The following NCAM2 variants were observed in gnomAD, a reference collection of about 807,000 sequenced individuals.
The protein encoded by NCAM2 is neural cell adhesion molecule 2, also known as N-CAM-2.
A neutral mutation model predicts 98.1 loss-of-function variants in NCAM2; 30 were observed. The observed-to-expected ratio is 0.31, with a 90% CI of 0.23 to 0.41. The LOEUF is 0.41. NCAM2 is among the 10% of genes least tolerant of loss of function. NCAM2 has a pLI of 1.00. For missense variants in NCAM2, 867 were observed against 1,005.8 expected, an observed-to-expected ratio of 0.86 and a Z score of 1.87; for synonymous variants, 368 against 342.4, an observed-to-expected ratio of 1.07 and a Z score of -0.83.
intron 10 of NCAM2, among the ~76,000 whole-genome samples, chr21:21,411,465 T>A (rs2076886486): frequency 6.6e-6 from 1 of 151,906 alleles, no homozygotes; most frequent in Non-Finnish European, 1.5e-5. Flanking sequence ...AATAAGATTT[T>A]GTATAATTAT....
chr21:21,184,474 T>A (rs566975812), intron 1 of NCAM2, among the ~76,000 whole-genome samples: 2 of 152,214 alleles, frequency 1.3e-5, no homozygotes, highest in Non-Finnish European at 2.9e-5. Context: ...ACCTTGGGGA[T>A]CCTTTAAAAT....
At chr21:21,218,304 A>G (rs891035659) in intron 1 of NCAM2, among the ~76,000 whole-genome samples, 1 of 152,150 alleles carries the variant, frequency 6.6e-6, no homozygotes, top group Non-Finnish European at 1.5e-5. Flanking sequence ...TAGAAATAAG[A>G]GAATTAGCTC....
chr21:21,301,839 C>T (rs1476268819), intron 5 of NCAM2, among the ~76,000 whole-genome samples: 1 of 149,362 alleles, frequency 6.7e-6, no homozygotes, highest in Non-Finnish European at 1.5e-5. Context: ...GACATTTATG[C>T]AGCCAAAAAA....
At chr21:21,151,058 G>T (rs2067433878) in intron 1 of NCAM2, among the ~76,000 whole-genome samples, 1 of 151,530 alleles carries the variant, frequency 6.6e-6, no homozygotes, top group African/African-American at 2.4e-5. Context: ...CTTTCAAGGA[G>T]ATTAGGATGA....
At chr21:21,186,414 A>G (rs912905855) in intron 1 of NCAM2, among the ~76,000 whole-genome samples, 1 of 152,188 alleles carries the variant, frequency 6.6e-6, no homozygotes, top group African/African-American at 2.4e-5. Flanking sequence ...ATTCTATGGC[A>G]TCTAATTAAA....
chr21:21,274,769 T>C (rs948501812), intron 1 of NCAM2, among the ~76,000 whole-genome samples: 10 of 152,170 alleles, frequency 6.6e-5, no homozygotes, highest in African/African-American at 2.4e-4. Flanking sequence ...CAGCTCGTTG[T>C]CCCAAGATCA....
At chr21:21,429,435 A>G (rs2077282514) in intron 11 of NCAM2, among the ~76,000 whole-genome samples, 1 of 152,184 alleles carries the variant, frequency 6.6e-6, no homozygotes, top group Non-Finnish European at 1.5e-5. Flanking sequence ...CACTTTTGAC[A>G]CATGTCCCCA....
intron 16 of NCAM2, among the ~76,000 whole-genome samples, chr21:21,519,654 G>C (rs1988905997): frequency 6.6e-6 from 1 of 152,010 alleles, no homozygotes; most frequent in South Asian, 2.1e-4. Context: ...AAAATATGTG[G>C]TTAATTCCAT....
chr21:21,064,937 T>C (rs2146341120), intron 1 of NCAM2, among the ~76,000 whole-genome samples: 1 of 152,198 alleles, frequency 6.6e-6, no homozygotes, highest in Admixed American at 6.5e-5. Context: ...CCCAGCACTT[T>C]GGAAGCCTGA....
Position 21,086,692 on chromosome 21 carries a change from A to G in NCAM2, c.55+88074A>G, listed in dbSNP as rs1425061297. 2.0e-5 allele frequency among the ~76,000 whole-genome samples: 3 copies of G among 152,328 alleles called. No homozygotes were observed. In the East Asian group the frequency reaches 5.8e-4, roughly 29 times the overall value. ...CTTTTTGAAGTATTTTTAAAAAAGAATGGTTTTGGGGTACTGAAATGTGCG... is the reference window on the plus strand; with the variant it reads ...CTTTTTGAAGTATTTTTAAAAAAGAGTGGTTTTGGGGTACTGAAATGTGCG... On this transcript the variant is annotated intron_variant, in intron 1 of 17. Coordinates refer to ENST00000400546, the MANE Select transcript of NCAM2 (RefSeq NM_004540.5).
intron 1 of NCAM2, among the ~76,000 whole-genome samples, chr21:21,273,833 G>C (rs2072620038): frequency 6.6e-6 from 1 of 152,048 alleles, no homozygotes; most frequent in South Asian, 2.1e-4. Context: ...TAAAGAGTGT[G>C]CATAGCTTGA....
At chr21:21,199,588 G>T (rs897855000) in intron 1 of NCAM2, among the ~76,000 whole-genome samples, 3 of 152,130 alleles carry the variant, frequency 2.0e-5, no homozygotes, top group African/African-American at 7.2e-5. Context: ...TGAGAGTAGT[G>T]ATCTCATTCA....
intron 1 of NCAM2, among the ~76,000 whole-genome samples, chr21:21,244,844 T>TAA (rs11410837): frequency 0.02 from 1,973 of 99,830 alleles, 59 homozygotes; most frequent in African/African-American, 0.059. Flanking sequence ...AGACTCTGTC[T>TAA]AAAAAAAAAA....
intron 1 of NCAM2, among the ~76,000 whole-genome samples, chr21:21,136,616 C>T (rs979785574): frequency 5.6e-5 from 8 of 143,222 alleles, no homozygotes; most frequent in African/African-American, 2.2e-4. Flanking sequence ...TGCAGGCCAC[C>T]ACGCCTGTTT....
At chr21:21,191,438 T>C (rs2068820560) in intron 1 of NCAM2, among the ~76,000 whole-genome samples, 1 of 152,188 alleles carries the variant, frequency 6.6e-6, no homozygotes. Context: ...AATTATATAG[T>C]TAAATATGTA....
At chr21:21,445,757 A>G (rs1357531268) in intron 12 of NCAM2, among the ~76,000 whole-genome samples, 2 of 151,966 alleles carry the variant, frequency 1.3e-5, no homozygotes, top group Non-Finnish European at 1.5e-5. Context: ...CAACACACTG[A>G]TGGGTCTTGA....
chr21:21,034,750 A>AT (rs1284857525), intron 1 of NCAM2, among the ~76,000 whole-genome samples: 6 of 152,014 alleles, frequency 3.9e-5, no homozygotes, highest in South Asian at 2.1e-4. Flanking sequence ...TCTGAAATGT[A>AT]TTTTTTTTCT....
intron 8 of NCAM2, among the ~76,000 whole-genome samples, chr21:21,369,765 T>C (rs929597125): frequency 2.0e-5 from 3 of 151,870 alleles, no homozygotes; most frequent in Non-Finnish European, 4.4e-5. Context: ...TATTGTAGTC[T>C]TGTTTATTTC....
rs58824475 is a variant in NCAM2 at position 21,115,957 on chromosome 21, TTGTGTGTGTGTGTGTG to T, written c.55+117359_55+117374del. On this transcript the variant is annotated intron_variant, in intron 1 of 17. Transcript: ENST00000400546. ...GCTTCAGGTCCGCTTCTCTGAGATT[TTGTGTGTGTGTGTGTG>T]TGTGTGTGTGTGTGTGTGTCTGTCT... Among the ~76,000 whole-genome samples, 30 of 147,282 alleles carry T rather than the reference TTGTGTGTGTGTGTGTG, an allele frequency of 2.0e-4. No homozygotes were observed. The South Asian group carries it at 3.3e-3, about 16-fold the overall frequency.
Sources: gnomAD v4.1 joint callset for allele counts (sites outside exome capture counted in the v4.1 genomes callset) on GRCh38, gnomAD v4.1.1 for gene constraint, MANE v1.5 for transcripts, NCBI Gene and HGNC (gene_info 2026-07-23, HGNC 2026-07-21) for gene names.